Variants in SEZ6L observed in about 807,000 individuals in gnomAD.
The protein encoded by SEZ6L is seizure 6-like protein.
In SEZ6L, 37 loss-of-function variants were observed where a neutral mutation model predicts 106.2. That is an observed-to-expected ratio of 0.35 (90% CI 0.27 to 0.46). The LOEUF is 0.46. Ranked by LOEUF, SEZ6L falls within the 20% of genes least tolerant of loss-of-function variation. SEZ6L has a pLI of 1.00. For missense variants in SEZ6L, 1,172 were observed against 1,332.8 expected, an observed-to-expected ratio of 0.88 and a Z score of 1.88; for synonymous variants, 541 against 570.4, an observed-to-expected ratio of 0.95 and a Z score of 0.73.
At position 26,269,613 on chromosome 22, in the gene SEZ6L, G is replaced by A. The variant is rs549503276; in HGVS notation, c.95-22793G>A. The stretch of plus-strand genomic sequence containing the variant: ...ATTTTTCATTTGCTAATTATGCAGC[G>A]TGACTGCCTCCCAAACATATTTTGC... On this transcript the variant is annotated intron_variant, in intron 1 of 16. Transcript: ENST00000248933. Among the ~76,000 whole-genome samples the A allele has an allele frequency of 3.3e-5, 5 of 152,282 alleles. No individual in the cohort carries two copies. In the South Asian group the frequency reaches 8.3e-4, roughly 25 times the overall value.
intron 1 of SEZ6L, among the ~76,000 whole-genome samples, chr22:26,276,549 C>G (rs1183749252): frequency 6.6e-6 from 1 of 152,234 alleles, no homozygotes; most frequent in Non-Finnish European, 1.5e-5. Flanking sequence ...TTATAATTCT[C>G]TACATAGGTA....
chr22:26,376,364 G>A (rs1459403331), intron 15 of SEZ6L, among the ~76,000 whole-genome samples: 1 of 152,226 alleles, frequency 6.6e-6, no homozygotes, highest in African/African-American at 2.4e-5. Flanking sequence ...TGGAAGAGAA[G>A]TGGTGGTTGA....
chr22:26,316,613 T>C (rs2082003342), intron 9 of SEZ6L, among the ~76,000 whole-genome samples: 1 of 151,834 alleles, frequency 6.6e-6, no homozygotes, highest in Non-Finnish European at 1.5e-5. Flanking sequence ...GGGTGGATCA[T>C]TTGAGGTCAG....
chr22:26,340,873 C>CT (rs1051373693), intron 10 of SEZ6L, among the ~76,000 whole-genome samples: 2 of 152,156 alleles, frequency 1.3e-5, no homozygotes, highest in Non-Finnish European at 2.9e-5. Flanking sequence ...TCTGAGCCTT[C>CT]TTTTTGTCAT....
At chr22:26,343,998 T>C (rs2082929194) in intron 10 of SEZ6L, among the ~76,000 whole-genome samples, 1 of 152,010 alleles carries the variant, frequency 6.6e-6, no homozygotes, top group Non-Finnish European at 1.5e-5. Flanking sequence ...ATGAGAAGGG[T>C]ATTTGTTATT....
chr22:26,342,785 C>T (rs1057239878), intron 10 of SEZ6L, among the ~76,000 whole-genome samples: 1 of 152,212 alleles, frequency 6.6e-6, no homozygotes, highest in Non-Finnish European at 1.5e-5. Context: ...TTTGCAAAAA[C>T]TGCAATTACT....
At chr22:26,355,994 G>A (rs1284570354) in intron 12 of SEZ6L, among the ~76,000 whole-genome samples, 2 of 152,192 alleles carry the variant, frequency 1.3e-5, no homozygotes, top group Non-Finnish European at 2.9e-5. Context: ...CCCTCTCTGG[G>A]CCTCAGAGCC....
chr22:26,357,103 C>T (rs895478816), intron 12 of SEZ6L, among the ~76,000 whole-genome samples: 5 of 152,122 alleles, frequency 3.3e-5, no homozygotes, highest in Admixed American at 1.3e-4. Flanking sequence ...AGGTGCCCGC[C>T]ACCACGCCTG....
chr22:26,336,854 C>T (rs368536492), intron 9 of SEZ6L, among the ~76,000 whole-genome samples: 1 of 152,102 alleles, frequency 6.6e-6, no homozygotes, highest in East Asian at 1.9e-4. Flanking sequence ...AAAACTGCCC[C>T]TAGTTGAAAA....
chr22:26,383,015 G>A lies in SEZ6L; in HGVS notation c.*2720G>A, dbSNP rs2084457002. On this transcript the variant is annotated 3_prime_UTR_variant, in exon 17 of 17. Transcript: ENST00000248933. The stretch of plus-strand genomic sequence containing the variant: ...AGCTGTATCTGTCAGCTACCACCCT[G>A]TGCTTTAAAAATGCACACACTCAAC... 6.7e-6 allele frequency: 1 copy of A among 149,578 alleles called. No homozygotes were observed. Among genetic ancestry groups the A allele is most frequent in the African/African-American group, 2.5e-5 (1 of 40,570 alleles). 9.3% of individuals were successfully genotyped at this position (149,578 alleles called of 1,614,324 possible). A position where few individuals can be genotyped will look rare whatever the true frequency, so the allele number is the denominator to read the frequency against.
At chr22:26,353,950 A>C (rs1242828550) in intron 12 of SEZ6L, among the ~76,000 whole-genome samples, 1 of 152,198 alleles carries the variant, frequency 6.6e-6, no homozygotes, top group Non-Finnish European at 1.5e-5. Context: ...TCTAACCCAC[A>C]GTATCTGTAA....
At chr22:26,371,995 C>T (rs1200828765) in intron 13 of SEZ6L, among the ~76,000 whole-genome samples, 1 of 152,232 alleles carries the variant, frequency 6.6e-6, no homozygotes, top group Non-Finnish European at 1.5e-5. Flanking sequence ...GTGAGGCCAC[C>T]TGACTGGGAC....
At chr22:26,286,166 C>T (rs2080927919) in intron 1 of SEZ6L, among the ~76,000 whole-genome samples, 2 of 152,160 alleles carry the variant, frequency 1.3e-5, no homozygotes. Flanking sequence ...AGTCCTGCGT[C>T]CTAAAGGTAG....
At chr22:26,345,009 C>T (rs369878998) in intron 10 of SEZ6L, among the ~76,000 whole-genome samples, 2 of 152,338 alleles carry the variant, frequency 1.3e-5, no homozygotes, top group South Asian at 2.1e-4. Context: ...ATTCCAGAGC[C>T]TCCACTTAGG....
intron 1 of SEZ6L, among the ~76,000 whole-genome samples, chr22:26,195,642 C>A (rs1940524529): frequency 6.6e-6 from 1 of 152,036 alleles, no homozygotes; most frequent in Non-Finnish European, 1.5e-5. Flanking sequence ...GCTGATGATA[C>A]AGTGACAAAA....
chr22:26,220,929 G>GGA (rs2078449973), intron 1 of SEZ6L, among the ~76,000 whole-genome samples: 3 of 137,748 alleles, frequency 2.2e-5, no homozygotes, highest in East Asian at 2.4e-4. Context: ...GGATGGATGG[G>GGA]TGGATGGATG....
intron 1 of SEZ6L, among the ~76,000 whole-genome samples, chr22:26,235,667 C>T (rs1175568658): frequency 6.6e-6 from 1 of 152,160 alleles, no homozygotes; most frequent in East Asian, 1.9e-4. Flanking sequence ...AAAGAGAAGG[C>T]ATTCTAAGCC....
chr22:26,244,839 C>G (rs1392192376), intron 1 of SEZ6L: 1 of 152,250 alleles, frequency 6.6e-6, no homozygotes, highest in Non-Finnish European at 1.5e-5. Context: ...TCTGGGAAAC[C>G]ACAGACTGAT....
At chr22:26,183,808 T>C (rs1277410991) in intron 1 of SEZ6L, among the ~76,000 whole-genome samples, 1 of 152,232 alleles carries the variant, frequency 6.6e-6, no homozygotes, top group African/African-American at 2.4e-5. Flanking sequence ...ACTATTTCCA[T>C]AAAGCATAAA....
Sources: allele counts gnomAD v4.1 joint callset (sites outside exome capture counted in the v4.1 genomes callset), GRCh38; gene constraint gnomAD v4.1.1; transcripts MANE v1.5; gene names NCBI Gene and HGNC (gene_info 2026-07-23, HGNC 2026-07-21).